The following TMTC4 variants were observed in gnomAD, a reference collection of about 807,000 sequenced individuals.
The protein encoded by TMTC4 is transmembrane O-mannosyltransferase targeting cadherins 4.
A neutral mutation model predicts 86.0 loss-of-function variants in TMTC4; 65 were observed. That is an observed-to-expected ratio of 0.76 (90% confidence interval 0.62 to 0.93). The LOEUF is 0.93. Ranked by LOEUF, TMTC4 falls within the 40% of genes least tolerant of loss-of-function variation. The probability of loss-of-function intolerance (pLI) is 0.00; values close to 1 mark genes in which losing one functional copy is unlikely to be tolerated. For synonymous variants in TMTC4, 379 were observed against 382.5 expected (o/e 0.99, Z 0.11); for missense variants, 866 against 948.1 (o/e 0.91, Z 1.14).
At chr13:100,625,399 C>T in intron 15 of TMTC4, 136 bp downstream of exon 15, 1 of 1,206,012 alleles carries the variant, frequency 8.3e-7, no homozygotes, top group Non-Finnish European at 1.2e-6. Context: ...CAAATAGCTA[C>T]CTTCAAATGA....
intron 12 of TMTC4, among the ~76,000 whole-genome samples, chr13:100,633,577 G>T (rs1374979319): frequency 1.3e-5 from 2 of 152,132 alleles, no homozygotes; most frequent in Non-Finnish European, 2.9e-5. Context: ...CAAAAACACT[G>T]CCAATTTTAG....
intron 6 of TMTC4, among the ~76,000 whole-genome samples, chr13:100,651,638 A>G (rs1436108890): frequency 6.6e-6 from 1 of 152,156 alleles, no homozygotes; most frequent in Non-Finnish European, 1.5e-5. Flanking sequence ...GCTTTATAAT[A>G]AAGACGTCCC....
chr13:100,660,216 A>C (rs902440306), intron 5 of TMTC4, among the ~76,000 whole-genome samples: 3 of 151,478 alleles, frequency 2.0e-5, no homozygotes, highest in African/African-American at 7.3e-5. Context: ...CTGTAGTCCT[A>C]GCTACTTGGG....
intron 3 of TMTC4, 81 bp downstream of exon 3, chr13:100,668,498 G>T: frequency 7.1e-7 from 1 of 1,412,978 alleles, no homozygotes; most frequent in Non-Finnish European, 9.8e-7. Flanking sequence ...ATTCCACAGA[G>T]AACAATGCAA....
chr13:100,605,112 T>A lies in TMTC4; in HGVS notation c.2165A>T (p.Asp722Val). The A allele has an allele frequency of 6.2e-7, 1 of 1,612,928 alleles. No homozygotes were observed. Reference sequence around the variant, plus strand: ...GATTTCATAGTGTTTCTTGGCCAAGTCTAGATGTCCCCAACGATGATAAAG... The same window carrying A: ...GATTTCATAGTGTTTCTTGGCCAAGACTAGATGTCCCCAACGATGATAAAG... The part of the protein sequence containing the change: ...AVLYHRWGHL[D>V]LAKKHYEISL... The change falls in exon 19 of 19, where the codon GAC (aspartate) becomes GTC (valine). Residue 722 changes from aspartate (D) to valine (V), a missense_variant. Physicochemically the swap from Asp to Val is radical, Grantham distance 152. Transcript: ENST00000342624. This position sits in a 1 kb window ranked among gnomAD's most constrained non-coding sequence, Gnocchi z 4.3.
At chr13:100,632,970 C>T (rs971704720) in intron 12 of TMTC4, among the ~76,000 whole-genome samples, 2 of 152,080 alleles carry the variant, frequency 1.3e-5, no homozygotes, top group East Asian at 1.9e-4. Context: ...GAGCAAATAG[C>T]GTTCTCTTCC....
chr13:100,661,029 A>C (rs969281745), intron 5 of TMTC4, among the ~76,000 whole-genome samples: 2 of 152,230 alleles, frequency 1.3e-5, no homozygotes, highest in Non-Finnish European at 2.9e-5. Flanking sequence ...TACTATCTGC[A>C]GAAACGCTGA....
At chr13:100,608,262 G>A (rs1876976004) in intron 17 of TMTC4, among the ~76,000 whole-genome samples, 1 of 152,214 alleles carries the variant, frequency 6.6e-6, no homozygotes, top group South Asian at 2.1e-4. Flanking sequence ...CAGTGGTGCT[G>A]AAGACAGGGA....
In TMTC4 at chr13:100,604,944, T is replaced by C; in HGVS notation, c.*50A>G. 1 of 1,579,370 alleles carries C rather than the reference T, an allele frequency of 6.3e-7. No individual in the cohort carries two copies. The highest frequency in any genetic ancestry group is 1.2e-5 in the South Asian group (1 of 84,742). ...AAATGTAACCACATACTATTAATGA[T>C]ATGCCTCATGCACACACACACTCAA... is the stretch of plus-strand genomic sequence containing the variant. On this transcript the variant is annotated 3_prime_UTR_variant, in exon 19 of 19. Coordinates refer to ENST00000342624, the MANE Select transcript of TMTC4 (RefSeq NM_032813.5).
chr13:100,653,492 C>T (rs1000317076), intron 6 of TMTC4, among the ~76,000 whole-genome samples: 18 of 152,124 alleles, frequency 1.2e-4, no homozygotes, highest in Non-Finnish European at 1.0e-4. Context: ...GGGTGGGTCT[C>T]AGGGTACAGC....
Position 100,623,020 on chromosome 13 carries a change from T to C in TMTC4, c.1836+2515A>G, listed in dbSNP as rs371735541. Among the ~76,000 whole-genome samples, 39 of 152,274 alleles carry C rather than the reference T, an allele frequency of 2.6e-4. No homozygotes were observed. In the East Asian group the frequency reaches 7.5e-3, roughly 29 times the overall value. On this transcript the variant is annotated intron_variant, in intron 15 of 18. Transcript: ENST00000342624. ...CTACCCACTCCAGAAACAAAGACAG[T>C]AAGACCAAAGACATTCACATTATGG...
chr13:100,634,020 A>G (rs1243214912), intron 12 of TMTC4, among the ~76,000 whole-genome samples: 1 of 151,954 alleles, frequency 6.6e-6, no homozygotes, highest in Non-Finnish European at 1.5e-5. Flanking sequence ...AGCGCCTGTA[A>G]TCTAGCTACT....
intron 6 of TMTC4, among the ~76,000 whole-genome samples, chr13:100,656,089 T>C (rs1011902091): frequency 2.0e-5 from 3 of 152,198 alleles, no homozygotes; most frequent in East Asian, 1.9e-4. Flanking sequence ...TCCTATAATT[T>C]TGCAGGAAAT....
At chr13:100,648,159 C>G (rs930091093) in intron 6 of TMTC4, among the ~76,000 whole-genome samples, 2 of 152,092 alleles carry the variant, frequency 1.3e-5, no homozygotes, top group Non-Finnish European at 2.9e-5. Flanking sequence ...AATTTCAGAT[C>G]AAAGGCAAGG....
At chr13:100,632,053 A>ACACACACACACACACACTCTCTCT (rs1296569630) in intron 12 of TMTC4, among the ~76,000 whole-genome samples, 15 of 43,146 alleles carry the variant, frequency 3.5e-4, no homozygotes, top group African/African-American at 1.0e-3. Flanking sequence ...ACACACACAC[A>ACACACACACACACACACTCTCTCT]CTCTCTCTCT....
intron 15 of TMTC4, among the ~76,000 whole-genome samples, chr13:100,615,563 G>A (rs1566564991): frequency 1.3e-5 from 2 of 151,990 alleles, no homozygotes; most frequent in Admixed American, 6.6e-5. Context: ...AACAATTCTC[G>A]TGCCTCAGCC....
At chr13:100,646,619 G>T (rs539462215) in intron 6 of TMTC4, among the ~76,000 whole-genome samples, 1 of 152,338 alleles carries the variant, frequency 6.6e-6, no homozygotes, top group South Asian at 2.1e-4. Flanking sequence ...TCAGGTCTTA[G>T]CTGTGCCCTT....
At chr13:100,648,339 AT>A (rs1306601827) in intron 6 of TMTC4, among the ~76,000 whole-genome samples, 5 of 152,330 alleles carry the variant, frequency 3.3e-5, no homozygotes, top group African/African-American at 1.2e-4. Context: ...GAAAAAAAAA[AT>A]GTGAACATTT....
At chr13:100,623,965 C>A in intron 15 of TMTC4, 1 of 413,342 alleles carries the variant, frequency 2.4e-6, no homozygotes, top group Non-Finnish European at 4.8e-6. Flanking sequence ...TTGTATGGGT[C>A]CAGTCTCTTC....
Sources: gnomAD v4.1 joint callset for allele counts (sites outside exome capture counted in the v4.1 genomes callset) on GRCh38, gnomAD v4.1.1 for gene constraint, Gnocchi (gnomAD v3.1) non-coding constraint, MANE v1.5 for transcripts, NCBI Gene and HGNC (gene_info 2026-07-23, HGNC 2026-07-21) for gene names.